Variants in TNIP2 observed in about 807,000 individuals in gnomAD.
TNIP2 encodes the protein TNFAIP3 interacting protein 2.
TNIP2 carries 30 observed loss-of-function variants against 43.7 expected under a neutral mutation model. The observed-to-expected ratio is 0.69, with a 90% CI of 0.51 to 0.93. The LOEUF is 0.93. Ranked by LOEUF, TNIP2 falls within the 40% of genes least tolerant of loss-of-function variation. The pLI, the probability that TNIP2 is intolerant of heterozygous loss-of-function variation, is 0.00. For missense variants in TNIP2, 599 were observed against 591.0 expected (o/e 1.01, Z -0.14); for synonymous variants, 260 against 254.6 (o/e 1.02, Z -0.20).
chr4:2,743,604 C>T (rs1721853917), intron 5 of TNIP2, among the ~76,000 whole-genome samples: 1 of 152,146 alleles, frequency 6.6e-6, no homozygotes, highest in African/African-American at 2.4e-5. Context: ...GGCCTCACAG[C>T]CCCAGGGTCC....
At chr4:2,754,340 G>A (rs1194415534) in intron 1 of TNIP2, among the ~76,000 whole-genome samples, 3 of 152,244 alleles carry the variant, frequency 2.0e-5, no homozygotes, top group African/African-American at 4.8e-5. Context: ...CTGCTGTTGT[G>A]GTGTTATAGT....
At chr4:2,752,133 A>C (rs1160275865) in intron 1 of TNIP2, among the ~76,000 whole-genome samples, 1 of 150,960 alleles carries the variant, frequency 6.6e-6, no homozygotes, top group African/African-American at 2.4e-5. Context: ...AAGGAAGGAA[A>C]GAAAGAAAAG....
intron 5 of TNIP2, among the ~76,000 whole-genome samples, chr4:2,743,542 A>C (rs1202085212): frequency 6.6e-6 from 1 of 152,064 alleles, no homozygotes; most frequent in Non-Finnish European, 1.5e-5. Flanking sequence ...TGCGGAGGAG[A>C]AGCAGAAACC....
chr4:2,748,152 A>G (rs949483107), intron 1 of TNIP2, among the ~76,000 whole-genome samples: 1 of 152,086 alleles, frequency 6.6e-6, no homozygotes, highest in Non-Finnish European at 1.5e-5. Flanking sequence ...TCAGCCTACA[A>G]TGTTCTGTTC....
intron 3 of TNIP2, 190 bp downstream of exon 3, chr4:2,745,256 G>A (rs1721914525): frequency 1.6e-6 from 1 of 611,170 alleles, no homozygotes; most frequent in Non-Finnish European, 2.9e-6. Flanking sequence ...AATTTTAGGG[G>A]GATGGAGATG....
rs1290619697 is a variant in TNIP2, at chr4:2,744,874, C to T, written c.729G>A (p.Ala243=). 3.1e-6 allele frequency: 5 copies of T among 1,613,808 alleles called. No homozygotes were observed. The highest frequency in any genetic ancestry group is 4.5e-5 in the East Asian group (2 of 44,892). Residue 243 remains alanine (A), a synonymous_variant, in exon 4 of 6, where the codon GCG becomes GCA. Coordinates refer to ENST00000315423, the MANE Select transcript of TNIP2 (RefSeq NM_024309.4). The surrounding 1 kb of genome is among the most constrained non-coding windows in gnomAD (Gnocchi z 5.1). The part of the protein sequence containing the change: ...SRDEYVRGLH[A]QLRGLQIPHE... The stretch of plus-strand genomic sequence containing the variant: ...GGGGGATCTGCAGCCCCCTGAGCTG[C>T]GCATGGAGCCCCCTCACGTATTCGT...
At chr4:2,755,404 G>A (rs1192571771) in intron 1 of TNIP2, among the ~76,000 whole-genome samples, 1 of 149,162 alleles carries the variant, frequency 6.7e-6, no homozygotes, top group Non-Finnish European at 1.5e-5. Flanking sequence ...CCCAAGAACT[G>A]CACCAACCCC....
intron 1 of TNIP2, 149 bp downstream of exon 1, chr4:2,755,865 C>T (rs1379699872): frequency 1.8e-6 from 2 of 1,138,968 alleles, no homozygotes; most frequent in African/African-American, 1.7e-5. Flanking sequence ...GCTCCCCCAA[C>T]CCCTCAGGAC....
At chr4:2,753,092 A>G (rs554396965) in intron 1 of TNIP2, among the ~76,000 whole-genome samples, 3 of 152,216 alleles carry the variant, frequency 2.0e-5, no homozygotes, top group African/African-American at 7.2e-5. Context: ...AAAAATAAAA[A>G]TAAAAAAACA....
At position 2,744,892 on chromosome 4, in the gene TNIP2, G is replaced by A. The variant is rs776747872; in HGVS notation, c.711C>T (p.Tyr237=). Residue 237 remains tyrosine (Y), a synonymous_variant, in exon 4 of 6, where the codon TAC becomes TAT. Coordinates refer to ENST00000315423, the MANE Select transcript of TNIP2 (RefSeq NM_024309.4). This position sits in a 1 kb window ranked among gnomAD's most constrained non-coding sequence, Gnocchi z 5.1. The part of the protein sequence containing the change: ...WQRYNASRDE[Y]VRGLHAQLRG... ...TGAGCTGCGCATGGAGCCCCCTCAC[G>A]TATTCGTCCCTGCTGGCGTTGTAGC... 10 of 1,613,342 alleles carry A rather than the reference G, an allele frequency of 6.2e-6. No individual in the cohort carries two copies. The highest frequency in any genetic ancestry group is 3.3e-5 in the South Asian group (3 of 91,082).
intron 1 of TNIP2, among the ~76,000 whole-genome samples, chr4:2,754,400 A>T (rs991433206): frequency 2.6e-5 from 4 of 152,204 alleles, no homozygotes; most frequent in African/African-American, 4.8e-5. Flanking sequence ...CAAAGAGAAG[A>T]AAGTCAGGAT....
chr4:2,752,605 G>A (rs1176934350), intron 1 of TNIP2, among the ~76,000 whole-genome samples: 1 of 152,164 alleles, frequency 6.6e-6, no homozygotes, highest in Non-Finnish European at 1.5e-5. Context: ...GCAACGGCTT[G>A]CTTCCTGCTG....
intron 1 of TNIP2, among the ~76,000 whole-genome samples, chr4:2,753,077 A>C (rs1283479522): frequency 6.6e-6 from 1 of 151,960 alleles, no homozygotes; most frequent in African/African-American, 2.4e-5. Flanking sequence ...TGTCTCTAAA[A>C]AAATAAAAAT....
At chr4:2,747,541 C>T (rs750656962) in intron 2 of TNIP2, 114 bp downstream of exon 2, 358 of 1,084,512 alleles carry the variant, frequency 3.3e-4, no homozygotes, top group Non-Finnish European at 4.3e-4. Flanking sequence ...ACTCTCGTTA[C>T]TGAGAACAGA....
At chr4:2,746,310 G>A (rs569392882) in intron 2 of TNIP2, among the ~76,000 whole-genome samples, 3 of 152,196 alleles carry the variant, frequency 2.0e-5, no homozygotes, top group Non-Finnish European at 4.4e-5. Flanking sequence ...GGGAAGCCCC[G>A]GGTGACTCAG....
chr4:2,755,170 GAC>G (rs1302846418), intron 1 of TNIP2, among the ~76,000 whole-genome samples: 7 of 151,962 alleles, frequency 4.6e-5, no homozygotes, highest in African/African-American at 9.7e-5. Context: ...TTGGACCCAA[GAC>G]ACACATGTGT....
intron 5 of TNIP2, 126 bp from the exon 6 acceptor site, chr4:2,742,646 C>T (rs1721826934): frequency 1.9e-6 from 2 of 1,037,396 alleles, no homozygotes; most frequent in Non-Finnish European, 2.7e-6. Flanking sequence ...CACTTTGCTT[C>T]CTGCTGCGCC....
chr4:2,752,102 T>TAA (rs77704885), intron 1 of TNIP2, among the ~76,000 whole-genome samples: 5 of 103,858 alleles, frequency 4.8e-5, no homozygotes, highest in South Asian at 2.9e-4. Context: ...AGACTCAGTT[T>TAA]AAAAAAAAAA....
chr4:2,744,311 G>C lies in TNIP2; in HGVS notation c.1026+76C>G. 1 of 1,582,382 alleles carries C rather than the reference G, an allele frequency of 6.3e-7. No individual in the cohort carries two copies. Among genetic ancestry groups the C allele is most frequent in the South Asian group, 1.1e-5 (1 of 88,828 alleles). ...GCAAATCAGGGCCTTGGCAGACACA[G>C]AAAGGCTCTAATCTCATGAGAAGAG... On this transcript the variant is annotated intron_variant, in intron 5 of 5. Transcript: ENST00000315423. This position sits in a 1 kb window ranked among gnomAD's most constrained non-coding sequence, Gnocchi z 5.1.
Sources: allele counts gnomAD v4.1 joint callset (sites outside exome capture counted in the v4.1 genomes callset), GRCh38; gene constraint gnomAD v4.1.1; non-coding constraint Gnocchi (gnomAD v3.1); transcripts MANE v1.5; gene names NCBI Gene and HGNC (gene_info 2026-07-23, HGNC 2026-07-21).